The following RSPO2 variants were observed in gnomAD, a reference collection of about 807,000 sequenced individuals.
RSPO2 encodes the protein R-spondin 2, also known as R-spondin-2.
RSPO2 carries 14 observed loss-of-function variants against 30.9 expected under a neutral mutation model. The observed-to-expected ratio is 0.45, with a 90% CI of 0.30 to 0.71. The LOEUF (loss-of-function observed/expected upper bound fraction) is 0.71. Among genes scored for constraint, RSPO2 ranks in the 30% least tolerant of loss-of-function variants. RSPO2 has a pLI of 0.08. For synonymous variants in RSPO2, 107 were observed against 96.4 expected, an observed-to-expected ratio of 1.11 and a Z score of -0.64; for missense variants, 264 against 301.9, an observed-to-expected ratio of 0.87 and a Z score of 0.93.
chr8:107,957,639 T>C (rs1387506085), intron 5 of RSPO2, among the ~76,000 whole-genome samples: 1 of 152,222 alleles, frequency 6.6e-6, no homozygotes, highest in Non-Finnish European at 1.5e-5. Flanking sequence ...TTATTTTAAG[T>C]TGTCATCTTC....
chr8:107,904,040 AAAG>A (rs1316600822), intron 5 of RSPO2, among the ~76,000 whole-genome samples: 2 of 152,054 alleles, frequency 1.3e-5, no homozygotes, highest in African/African-American at 4.8e-5. Flanking sequence ...AAACATGAGA[AAAG>A]AAATCGGTAA....
intron 2 of RSPO2, among the ~76,000 whole-genome samples, chr8:108,011,098 A>G (rs1469422536): frequency 7.1e-6 from 1 of 140,520 alleles, no homozygotes; most frequent in African/African-American, 2.7e-5. Context: ...GCGCCATTGC[A>G]CTCCAGCCTG....
chr8:107,922,359 G>A (rs1388856708), intron 5 of RSPO2, among the ~76,000 whole-genome samples: 1 of 151,978 alleles, frequency 6.6e-6, no homozygotes, highest in Non-Finnish European at 1.5e-5. Flanking sequence ...ATAGCCACAA[G>A]AAGAATAAAA....
At chr8:107,922,963 C>A (rs1238193914) in intron 5 of RSPO2, among the ~76,000 whole-genome samples, 5 of 152,010 alleles carry the variant, frequency 3.3e-5, no homozygotes, top group Admixed American at 3.3e-4. Flanking sequence ...TGTAAAACTA[C>A]AAACTGCAAA....
intron 3 of RSPO2, among the ~76,000 whole-genome samples, chr8:107,988,571 C>T (rs553976827): frequency 1.3e-5 from 2 of 152,144 alleles, no homozygotes; most frequent in Admixed American, 6.5e-5. Flanking sequence ...CAGCTCTATA[C>T]AAAATATAAA....
chr8:107,947,474 T>A (rs986877588), intron 5 of RSPO2, among the ~76,000 whole-genome samples: 2 of 152,026 alleles, frequency 1.3e-5, no homozygotes, highest in African/African-American at 4.8e-5. Flanking sequence ...GAGAATGGCC[T>A]GGCTTAGAAA....
intron 2 of RSPO2, among the ~76,000 whole-genome samples, chr8:108,034,690 A>T (rs1381467886): frequency 2.0e-5 from 3 of 152,206 alleles, no homozygotes; most frequent in African/African-American, 7.2e-5. Context: ...ACAGAGGCCC[A>T]GCCAAGAAGT....
intron 2 of RSPO2, among the ~76,000 whole-genome samples, chr8:108,066,894 A>G (rs1430065130): frequency 6.6e-6 from 1 of 152,186 alleles, no homozygotes; most frequent in Non-Finnish European, 1.5e-5. Flanking sequence ...TGGCACAACG[A>G]GACATTGTGT....
At chr8:108,033,098 G>A (rs894895203) in intron 2 of RSPO2, among the ~76,000 whole-genome samples, 18 of 146,362 alleles carry the variant, frequency 1.2e-4, no homozygotes, top group African/African-American at 3.5e-4. Context: ...ACGGGGTCTC[G>A]CTATGTTACC....
At chr8:107,924,989 T>C (rs1299435049) in intron 5 of RSPO2, among the ~76,000 whole-genome samples, 4 of 152,092 alleles carry the variant, frequency 2.6e-5, no homozygotes, top group African/African-American at 9.7e-5. Context: ...ACAATTACAA[T>C]AAGATCACTA....
At chr8:108,036,968 A>G (rs1563573887) in intron 2 of RSPO2, among the ~76,000 whole-genome samples, 1 of 152,244 alleles carries the variant, frequency 6.6e-6, no homozygotes, top group East Asian at 1.9e-4. Flanking sequence ...CTGCTCCACT[A>G]ACTGTTGCCA....
chr8:107,969,038 C>A (rs1303897724), intron 3 of RSPO2, among the ~76,000 whole-genome samples: 2 of 151,966 alleles, frequency 1.3e-5, no homozygotes, highest in South Asian at 2.1e-4. Flanking sequence ...ACATTAGGAA[C>A]CAGGAGTTAG....
chr8:108,068,438 T>C (rs1216583652), intron 2 of RSPO2, among the ~76,000 whole-genome samples: 1 of 152,192 alleles, frequency 6.6e-6, no homozygotes, highest in Admixed American at 6.5e-5. Flanking sequence ...AACCACTACT[T>C]GTTATACTAA....
intron 2 of RSPO2, among the ~76,000 whole-genome samples, chr8:108,056,536 T>A (rs1812249377): frequency 7.2e-6 from 1 of 139,634 alleles, no homozygotes. Context: ...GGTGAGAGGA[T>A]CACTTGAGCC....
rs1232122843 is a variant in RSPO2, at chr8:107,990,433, CACAA to C, written c.95-1193_95-1190del. ...ACAGCAGTCAAGCCAAGAGTCAAAT[CACAA>C]ACAAACTCTCATTCACAATTGCTGC... is the stretch of plus-strand genomic sequence containing the variant. On this transcript the variant is annotated intron_variant, in intron 2 of 5. Transcript: ENST00000276659. Among the ~76,000 whole-genome samples the C allele has an allele frequency of 1.3e-4, 20 of 152,188 alleles. 1 individual carries two copies. The South Asian group carries it at 3.9e-3, about 30-fold the overall frequency.
At chr8:107,930,434 T>G (rs1165886798) in intron 5 of RSPO2, among the ~76,000 whole-genome samples, 1 of 152,198 alleles carries the variant, frequency 6.6e-6, no homozygotes, top group Admixed American at 6.5e-5. Context: ...ATCAGATCTC[T>G]GTCACTCTAA....
chr8:107,957,750 G>C (rs369324303), intron 5 of RSPO2, among the ~76,000 whole-genome samples: 1 of 152,076 alleles, frequency 6.6e-6, no homozygotes, highest in Admixed American at 6.6e-5. Context: ...CAACATCTGC[G>C]AAGGCCTGAT....
chr8:108,015,254 G>GA (rs1357215787), intron 2 of RSPO2, among the ~76,000 whole-genome samples: 3 of 152,014 alleles, frequency 2.0e-5, no homozygotes, highest in Admixed American at 2.0e-4. Context: ...AGCCTTAGGG[G>GA]AAAAAATAAC....
chr8:108,031,087 T>C (rs1425784846), intron 2 of RSPO2, among the ~76,000 whole-genome samples: 1 of 152,346 alleles, frequency 6.6e-6, no homozygotes, highest in Non-Finnish European at 1.5e-5. Context: ...AATTCCATTT[T>C]TAAATTATTC....
Sources: allele counts gnomAD v4.1 joint callset (sites outside exome capture counted in the v4.1 genomes callset), GRCh38; gene constraint gnomAD v4.1.1; transcripts MANE v1.5; gene names NCBI Gene and HGNC (gene_info 2026-07-23, HGNC 2026-07-21).